Variants in FETUB observed in about 807,000 individuals in gnomAD.
FETUB encodes the protein fetuin-B.
In FETUB, 28 loss-of-function variants were observed where a neutral mutation model predicts 30.9. The observed-to-expected ratio is 0.90, with a 90% confidence interval of 0.67 to 1.24. The LOEUF (loss-of-function observed/expected upper bound fraction) is 1.24. FETUB is among the 50% of genes most tolerant of loss of function. The pLI is 0.00. For missense variants in FETUB, 469 were observed against 455.3 expected (o/e 1.03, Z -0.27); for synonymous variants, 186 against 175.9 (o/e 1.06, Z -0.45).
At position 186,641,059 on chromosome 3, in the gene FETUB, A is replaced by G; in HGVS notation, c.255A>G (p.Thr85=). Residue 85 remains threonine, a synonymous_variant, in exon 2 of 7, where the codon ACA becomes ACG. Coordinates refer to ENST00000265029, the MANE Select transcript of FETUB (RefSeq NM_014375.3). ...RGGLGSLFYL[T]LDVLETDCHV... is the part of the protein sequence containing the mutation. ...GCCTGGGATCTCTGTTCTATCTTACACTGGATGTGCTAGAGACTGACTGCC... is the reference window on the plus strand; with the variant it reads ...GCCTGGGATCTCTGTTCTATCTTACGCTGGATGTGCTAGAGACTGACTGCC... 6.2e-7 allele frequency: 1 copy of G among 1,613,636 alleles called. No homozygotes were observed. The highest frequency in any genetic ancestry group is 8.5e-7 in the Non-Finnish European group (1 of 1,179,666).
Position 186,652,471 on chromosome 3 carries a change from T to C in FETUB, c.989T>C (p.Leu330Pro). The C allele has an allele frequency of 6.2e-7, 1 of 1,614,184 alleles. No individual in the cohort carries two copies. Among genetic ancestry groups the C allele is most frequent in the Non-Finnish European group, 8.5e-7 (1 of 1,180,030 alleles). The change falls in exon 7 of 7, where the codon CTA becomes CCA. Residue 330 changes from leucine to proline, a missense_variant. By Grantham distance (98) the Leu-to-Pro change is moderately conservative (BLOSUM62 -3). Transcript: ENST00000265029. ...PQEAFPVHLD[L>P]TTNPQGETLD... ...GAGGCCTTTCCTGTGCATCTGGACCTAACCACGAATCCCCAGGGAGAAACC... is the reference window on the plus strand; with the variant it reads ...GAGGCCTTTCCTGTGCATCTGGACCCAACCACGAATCCCCAGGGAGAAACC...
At position 186,641,018 on chromosome 3, in the gene FETUB, C is replaced by T. The variant is rs776753612; in HGVS notation, c.226-12C>T. The T allele has an allele frequency of 1.3e-6, 2 of 1,555,160 alleles. No individual in the cohort carries two copies. The highest frequency in any genetic ancestry group is 1.4e-5 in the African/African-American group (1 of 73,676). ...TGTGAAATGTATTGCATTTCTCTACCCCTTCCCACAGGGTGGCCTGGGATC... is the reference window on the plus strand; with the variant it reads ...TGTGAAATGTATTGCATTTCTCTACTCCTTCCCACAGGGTGGCCTGGGATC... On this transcript the variant is annotated splice_polypyrimidine_tract_variant and intron_variant, in intron 1 of 6. Coordinates refer to ENST00000265029, the MANE Select transcript of FETUB (RefSeq NM_014375.3).
chr3:186,642,832 C>G (rs1717181568), intron 3 of FETUB, among the ~76,000 whole-genome samples: 1 of 152,198 alleles, frequency 6.6e-6, no homozygotes, highest in Non-Finnish European at 1.5e-5. Flanking sequence ...ATTTCTATGA[C>G]TGTTCCCTCA....
chr3:186,649,741 G>A (rs903599060), intron 5 of FETUB, among the ~76,000 whole-genome samples: 1 of 152,166 alleles, frequency 6.6e-6, no homozygotes, highest in African/African-American at 2.4e-5. Context: ...AAAGTGCTGG[G>A]ATTACAGGCG....
chr3:186,648,928 T>G (rs1482114010), intron 5 of FETUB, among the ~76,000 whole-genome samples: 2 of 152,226 alleles, frequency 1.3e-5, no homozygotes, highest in Non-Finnish European at 1.5e-5. Context: ...TATGATCATG[T>G]CACCTGAAAA....
intron 5 of FETUB, among the ~76,000 whole-genome samples, chr3:186,650,175 G>C (rs529938526): frequency 3.1e-4 from 31 of 100,732 alleles, no homozygotes; most frequent in Admixed American, 2.5e-3. Context: ...GGGGGTGGGG[G>C]GGGGGGGTAA....
intron 3 of FETUB, among the ~76,000 whole-genome samples, chr3:186,643,787 A>G (rs930561026): frequency 2.6e-5 from 4 of 152,188 alleles, no homozygotes; most frequent in African/African-American, 4.8e-5. Context: ...CAAAATTTCT[A>G]AAAACAATGT....
rs1283987624 is a variant in FETUB at position 186,640,484 on chromosome 3, A to C, written c.24A>C (p.Ala8=). ...GAATGGGTCTGCTCCTTCCCCTGGCACTCTGCATCCTAGTCCTGTGCTGCG... is the reference window on the plus strand; with the variant it reads ...GAATGGGTCTGCTCCTTCCCCTGGCCCTCTGCATCCTAGTCCTGTGCTGCG... MGLLLPL[A]LCILVLCCGA... Residue 8 remains alanine (A), a synonymous_variant, in exon 1 of 7, where the codon GCA becomes GCC. Transcript: ENST00000265029. 2 of 1,613,936 alleles carry C rather than the reference A, an allele frequency of 1.2e-6. No homozygotes were observed. Among genetic ancestry groups the C allele is most frequent in the East Asian group, 2.2e-5 (1 of 44,864 alleles).
upstream of FETUB, among the ~76,000 whole-genome samples, chr3:186,637,883 A>C (rs1468145067): frequency 1.3e-5 from 2 of 152,220 alleles, no homozygotes; most frequent in Non-Finnish European, 2.9e-5. Context: ...CCTTCCTTTT[A>C]CATGGGAGGA....
rs754297554 is a variant in FETUB at position 186,652,326 on chromosome 3, G to A, written c.844G>A (p.Glu282Lys). The change falls in exon 7 of 7, where the codon GAA becomes AAA. Residue 282 changes from glutamate to lysine, a missense_variant. Coordinates refer to ENST00000265029, the MANE Select transcript of FETUB (RefSeq NM_014375.3). ...GAAACCTACAAACCTTCCCAAGGTG[G>A]AAGAATCCCAGCAGAAAAACACCCC... Reference protein sequence around the residue: ...NQKPTNLPKVEESQQKNTPPT... With the variant: ...NQKPTNLPKVKESQQKNTPPT... 6.2e-7 allele frequency: 1 copy of A among 1,607,070 alleles called. No individual in the cohort carries two copies. Among genetic ancestry groups the A allele is most frequent in the Admixed American group, 1.7e-5 (1 of 58,504 alleles).
chr3:186,645,033 C>T (rs1225995284), intron 4 of FETUB, 113 bp downstream of exon 4: 1 of 754,314 alleles, frequency 1.3e-6, no homozygotes, highest in Admixed American at 3.0e-5. Flanking sequence ...AACCAAAATA[C>T]CTTTCTCTAC....
rs537926666 is a variant in FETUB at position 186,640,795 on chromosome 3, C to T, written c.225+110C>T. The T allele has an allele frequency of 2.8e-5, 25 of 905,342 alleles. No homozygotes were observed. In the East Asian group the frequency reaches 5.6e-4, roughly 20 times the overall value. 56.1% of individuals were successfully genotyped at this position (905,342 alleles called of 1,614,324 possible). A position where few individuals can be genotyped will look rare whatever the true frequency, so the allele number is the denominator to read the frequency against. On this transcript the variant is annotated intron_variant, in intron 1 of 6. Transcript: ENST00000265029. ...TGGCAGGTGTTTTCTGTATTGGAAG[C>T]CCTGCCGAGAACTCTCTGTTCTCCT...
upstream of FETUB, among the ~76,000 whole-genome samples, chr3:186,638,046 A>G (rs1019348903): frequency 1.3e-5 from 2 of 152,262 alleles, no homozygotes; most frequent in Non-Finnish European, 2.9e-5. Flanking sequence ...TATGTTAATC[A>G]CATATTGAAA....
chr3:186,651,382 C>A, intron 6 of FETUB, 81 bp downstream of exon 6: 1 of 939,298 alleles, frequency 1.1e-6, no homozygotes, highest in East Asian at 2.5e-5. Flanking sequence ...TTACCCCCTC[C>A]TTTGATTTTC....
At chr3:186,645,296 GA>G (rs1444669806) in intron 4 of FETUB, among the ~76,000 whole-genome samples, 3 of 152,136 alleles carry the variant, frequency 2.0e-5, no homozygotes, top group African/African-American at 7.2e-5. Context: ...AGTGGGTGTT[GA>G]ATTTTATGGA....
rs538768106 is a variant in FETUB at position 186,646,316 on chromosome 3, C to T, written c.663C>T (p.Ala221=). Residue 221 remains alanine, a synonymous_variant, in exon 5 of 7, where the codon GCC becomes GCT. Transcript: ENST00000265029. ...IKESPCTKSQ[A]SSCSLQSSDS... ...AATCACCATGTACTAAATCCCAGGC[C>T]AGCAGCTGTTCACTTCAGTCCTCCG... 121 of 1,613,868 alleles carry T rather than the reference C, an allele frequency of 7.5e-5. No homozygotes were observed. The highest frequency in any genetic ancestry group is 1.0e-4 in the Non-Finnish European group (119 of 1,179,882).
intron 6 of FETUB, 39 bp downstream of exon 6, chr3:186,651,340 GAGC>G: frequency 7.3e-7 from 1 of 1,366,534 alleles, no homozygotes; most frequent in Admixed American, 1.7e-5. Flanking sequence ...CTGTGAAGAA[GAGC>G]AGATTATCGA....
intron 1 of FETUB, among the ~76,000 whole-genome samples, 170 bp from the exon 2 acceptor site, chr3:186,640,860 A>G (rs1400280819): frequency 3.3e-5 from 5 of 152,142 alleles, no homozygotes; most frequent in Non-Finnish European, 7.3e-5. Flanking sequence ...GTTAGTAAAA[A>G]CAAGTGTTAA....
In FETUB at chr3:186,652,801, C is replaced by T; in HGVS notation, c.*170C>T. On this transcript the variant is annotated 3_prime_UTR_variant, in exon 7 of 7. Transcript: ENST00000265029. ...TGGGATTGGAAATAATGAGACTGAGCCCTCGGCTTGGGCTGCACTCTACCC... is the reference window on the plus strand; with the variant it reads ...TGGGATTGGAAATAATGAGACTGAGTCCTCGGCTTGGGCTGCACTCTACCC... 1.3e-6 allele frequency: 1 copy of T among 776,034 alleles called. No homozygotes were observed. The highest frequency in any genetic ancestry group is 2.0e-6 in the Non-Finnish European group (1 of 503,842). The allele number at this position is 776,034 out of a possible 1,614,324, so 48.1% of individuals were successfully genotyped here.
Sources: gnomAD v4.1 joint callset for allele counts (sites outside exome capture counted in the v4.1 genomes callset) on GRCh38, gnomAD v4.1.1 for gene constraint, MANE v1.5 for transcripts, NCBI Gene and HGNC (gene_info 2026-07-23, HGNC 2026-07-21) for gene names.